The following IL1RAPL1 variants were observed in gnomAD, a reference collection of about 807,000 sequenced individuals.
IL1RAPL1 encodes interleukin 1 receptor accessory protein like 1.
A neutral mutation model predicts 48.4 loss-of-function variants in IL1RAPL1; 3 were observed. The ratio of observed to expected loss-of-function variants is 0.06; its 90% CI spans 0.03 to 0.16. The LOEUF is 0.16. Among genes scored for constraint, IL1RAPL1 ranks in the 10% least tolerant of loss-of-function variants. The probability of loss-of-function intolerance (pLI) is 1.00; values close to 1 mark genes in which losing one functional copy is unlikely to be tolerated. For synonymous variants in IL1RAPL1, 185 were observed against 187.7 expected (o/e 0.99, Z 0.12); for missense variants, 349 against 530.6 (o/e 0.66, Z 3.36).
At chrX:29,047,516 G>A (rs1450280198) in intron 2 of IL1RAPL1, among the ~76,000 whole-genome samples, 1 of 111,891 alleles carries the variant, frequency 8.9e-6, no homozygotes. Context: ...GAGAATTACA[G>A]ATACATTTAT....
intron 6 of IL1RAPL1, among the ~76,000 whole-genome samples, chrX:29,735,980 C>T (rs1023229342): frequency 8.9e-6 from 1 of 111,928 alleles, no homozygotes; most frequent in East Asian, 2.8e-4. Context: ...TGGTTCTGGC[C>T]GTTAGCCAGG....
At chrX:29,633,468 T>TACACACAC (rs200222696) in intron 5 of IL1RAPL1, among the ~76,000 whole-genome samples, 20 of 97,727 alleles carry the variant, frequency 2.0e-4, no homozygotes, top group African/African-American at 4.5e-4. Flanking sequence ...GATATATATA[T>TACACACAC]ACACACACAC....
chrX:29,158,442 T>C (rs1929609517), intron 2 of IL1RAPL1, among the ~76,000 whole-genome samples: 1 of 111,514 alleles, frequency 9.0e-6, no homozygotes. Flanking sequence ...TGGCACGATC[T>C]CCCTCACTGC....
intron 3 of IL1RAPL1, among the ~76,000 whole-genome samples, chrX:29,310,073 G>A (rs1423658437): frequency 5.0e-5 from 4 of 80,374 alleles, no homozygotes; most frequent in African/African-American, 2.0e-4. Context: ...CAGCTTGGGC[G>A]ACAGAGCGAG....
At chrX:29,500,753 T>C (rs1336447387) in intron 5 of IL1RAPL1, among the ~76,000 whole-genome samples, 5 of 112,111 alleles carry the variant, frequency 4.5e-5, no homozygotes, top group African/African-American at 1.6e-4. Context: ...ATTTGGGCTG[T>C]TTTGAATAGT....
chrX:29,259,920 C>G (rs1232145451), intron 2 of IL1RAPL1, among the ~76,000 whole-genome samples: 1 of 111,492 alleles, frequency 9.0e-6, no homozygotes, highest in Non-Finnish European at 1.9e-5. Context: ...TAGACTACCC[C>G]CCACCATTAT....
chrX:28,851,539 A>G (rs1601931166), intron 2 of IL1RAPL1, among the ~76,000 whole-genome samples: 1 of 111,821 alleles, frequency 8.9e-6, no homozygotes, highest in South Asian at 3.7e-4. Flanking sequence ...TATTAAAAAC[A>G]TCTGAGAATG....
intron 1 of IL1RAPL1, among the ~76,000 whole-genome samples, chrX:28,723,212 C>A (rs1367516814): frequency 1.8e-5 from 2 of 110,992 alleles, no homozygotes; most frequent in African/African-American, 3.3e-5. Flanking sequence ...GGCTGTGAAT[C>A]CATCTGGTCC....
At position 29,553,358 on chromosome X, in the gene IL1RAPL1, A is replaced by G. The variant is rs142865802; in HGVS notation, c.704-115072A>G. Among the ~76,000 whole-genome samples, 500 of 111,628 alleles carry G rather than the reference A, an allele frequency of 4.5e-3. 2 individuals carry two copies. Among genetic ancestry groups the G allele is most frequent in the African/African-American group, 0.015 (473 of 30,742 alleles). ...TCCCAGTTTTCTTTTGTCTTCCCTA[A>G]GAAGTTTTTCTCAGATAGAGTCTGT... On this transcript the variant is annotated intron_variant, in intron 5 of 10. Coordinates refer to ENST00000378993, the MANE Select transcript of IL1RAPL1 (RefSeq NM_014271.4).
At chrX:29,155,110 T>A (rs1284163236) in intron 2 of IL1RAPL1, among the ~76,000 whole-genome samples, 1 of 109,584 alleles carries the variant, frequency 9.1e-6, no homozygotes, top group Non-Finnish European at 1.9e-5. Flanking sequence ...TGGGCTCAAG[T>A]GATTCTCCTG....
chrX:29,212,454 G>A (rs919858918), intron 2 of IL1RAPL1, among the ~76,000 whole-genome samples: 23 of 110,911 alleles, frequency 2.1e-4, no homozygotes, highest in African/African-American at 6.2e-4. Context: ...AATTACAGGC[G>A]CCCACCACCA....
intron 2 of IL1RAPL1, among the ~76,000 whole-genome samples, chrX:28,986,873 G>C (rs970605887): frequency 1.8e-5 from 2 of 111,965 alleles, no homozygotes; most frequent in Non-Finnish European, 3.8e-5. Flanking sequence ...TAAGGACTTA[G>C]TGATTTGGAT....
intron 2 of IL1RAPL1, among the ~76,000 whole-genome samples, chrX:29,106,321 A>G (rs1273847539): frequency 9.1e-6 from 1 of 110,494 alleles, no homozygotes; most frequent in Admixed American, 9.7e-5. Context: ...CCTTTCCATC[A>G]CCCCTTTGCC....
intron 2 of IL1RAPL1, among the ~76,000 whole-genome samples, chrX:28,939,172 C>A (rs1462279836): frequency 9.0e-6 from 1 of 110,984 alleles, no homozygotes; most frequent in Non-Finnish European, 1.9e-5. Context: ...CTCAGCAATT[C>A]CATTACTGGG....
intron 2 of IL1RAPL1, among the ~76,000 whole-genome samples, chrX:29,113,201 T>C (rs935030615): frequency 1.8e-5 from 2 of 112,166 alleles, no homozygotes; most frequent in Non-Finnish European, 3.8e-5. Flanking sequence ...TTTAGCCCTA[T>C]GTAAATGAAA....
At chrX:29,803,561 GTATATA>G (rs1930171236) in intron 6 of IL1RAPL1, among the ~76,000 whole-genome samples, 2 of 98,635 alleles carry the variant, frequency 2.0e-5, no homozygotes, top group Non-Finnish European at 2.0e-5. Flanking sequence ...GTGTATATAT[GTATATA>G]TGTATACATA....
chrX:29,340,248 G>T (rs1377422643), intron 3 of IL1RAPL1, among the ~76,000 whole-genome samples: 1 of 111,078 alleles, frequency 9.0e-6, no homozygotes, highest in African/African-American at 3.3e-5. Context: ...TCACAGCGCT[G>T]GGCAACTACC....
At chrX:29,760,401 G>A (rs750572210) in intron 6 of IL1RAPL1, among the ~76,000 whole-genome samples, 1 of 111,698 alleles carries the variant, frequency 9.0e-6, no homozygotes, top group Non-Finnish European at 1.9e-5. Context: ...TAAAGGGTAC[G>A]TGGAATAGAC....
chrX:29,216,130 G>A (rs1338936320), intron 2 of IL1RAPL1, among the ~76,000 whole-genome samples: 1 of 111,616 alleles, frequency 9.0e-6, no homozygotes, highest in African/African-American at 3.3e-5. Flanking sequence ...AACGAAATTG[G>A]ACTTTAGGCT....
Sources: allele counts gnomAD v4.1 joint callset (sites outside exome capture counted in the v4.1 genomes callset), GRCh38; gene constraint gnomAD v4.1.1; transcripts MANE v1.5; gene names NCBI Gene and HGNC (gene_info 2026-07-23, HGNC 2026-07-21).